MAGI2: variants seen among roughly 807,000 people sequenced by gnomAD.
The protein encoded by MAGI2 is membrane associated guanylate kinase, WW and PDZ domain containing 2, also known as membrane-associated guanylate kinase, WW and PDZ domain-containing protein 2.
MAGI2 carries 35 observed loss-of-function variants against 133.3 expected under a neutral mutation model. That is an observed-to-expected ratio of 0.26 (90% CI 0.20 to 0.35). MAGI2 has a LOEUF of 0.35. Ranked by LOEUF, MAGI2 falls within the 10% of genes least tolerant of loss-of-function variation. The probability of loss-of-function intolerance (pLI) is 1.00; values close to 1 mark genes in which losing one functional copy is unlikely to be tolerated. For missense variants in MAGI2, 1,636 were observed against 1,863.4 expected, an observed-to-expected ratio of 0.88 and a Z score of 2.25; for synonymous variants, 729 against 710.6, an observed-to-expected ratio of 1.03 and a Z score of -0.41.
Position 78,135,205 on chromosome 7 carries a change from A to T in MAGI2, c.2847T>A (p.Thr949=). The T allele has an allele frequency of 1.2e-6, 2 of 1,613,890 alleles. No individual in the cohort carries two copies. The highest frequency in any genetic ancestry group is 1.7e-5 in the Admixed American group (1 of 60,022). The change falls in exon 17 of 22, where the codon ACT becomes ACA. Residue 949 remains threonine (T), a splice_region_variant and synonymous_variant. Transcript: ENST00000354212. ...LNRPESGSTI[T]VPHKIGRIID... ...TGATGCGTCCGATTTTATGGGGCAC[A>T]GCTAAAAAAACCCCAACAGAAATAG...
At chr7:78,961,714 T>A (rs1160930195) in intron 2 of MAGI2, among the ~76,000 whole-genome samples, 1 of 152,126 alleles carries the variant, frequency 6.6e-6, no homozygotes, top group Non-Finnish European at 1.5e-5. Flanking sequence ...TGTTTAGAGC[T>A]AAGCTTTCTC....
intron 6 of MAGI2, among the ~76,000 whole-genome samples, chr7:78,465,133 G>C (rs1790485033): frequency 6.6e-6 from 1 of 152,088 alleles, no homozygotes; most frequent in Non-Finnish European, 1.5e-5. Flanking sequence ...AAAGTTTTCT[G>C]TGTCCTCAGC....
chr7:79,422,725 C>T (rs1465002902), intron 1 of MAGI2, among the ~76,000 whole-genome samples: 1 of 151,776 alleles, frequency 6.6e-6, no homozygotes, highest in Admixed American at 6.6e-5. Flanking sequence ...CAATTTTGTT[C>T]AAGGGAATAA....
intron 2 of MAGI2, among the ~76,000 whole-genome samples, chr7:78,736,711 T>A (rs1267855160): frequency 2.6e-5 from 4 of 152,120 alleles, no homozygotes; most frequent in Admixed American, 2.6e-4. Context: ...TGCTGGTACC[T>A]TATCACAAAT....
At chr7:78,466,049 C>CACTTGCTCGG (rs1790594046) in intron 6 of MAGI2, among the ~76,000 whole-genome samples, 1 of 152,162 alleles carries the variant, frequency 6.6e-6, no homozygotes, top group South Asian at 2.1e-4. Flanking sequence ...CGGCTTCAAC[C>CACTTGCTCGG]ACTTGCTCTT....
rs1234835548 is a variant in MAGI2 at position 79,324,532 on chromosome 7, TATATAACCATATATATACATATATACAC to T, written c.301+128460_301+128487del. Among the ~76,000 whole-genome samples the T allele has an allele frequency of 6.2e-4, 32 of 51,614 alleles. 12 individuals are homozygous for T. The highest frequency in any genetic ancestry group is 2.8e-3 in the African/African-American group (31 of 11,122). The allele number at this position is 51,614 out of a possible 152,430, so 33.9% of individuals were successfully genotyped here. A position where few individuals can be genotyped will look rare whatever the true frequency, so the allele number is the denominator to read the frequency against. ...TATAACCATATATATACACCATATA[TATATAACCATATATATACATATATACAC>T]ATATAACCATATATATACACCATAT... is the stretch of plus-strand genomic sequence containing the variant. On this transcript the variant is annotated intron_variant, in intron 1 of 21. Transcript: ENST00000354212.
At chr7:79,109,481 G>A (rs1818729891) in intron 1 of MAGI2, among the ~76,000 whole-genome samples, 1 of 152,182 alleles carries the variant, frequency 6.6e-6, no homozygotes, top group Non-Finnish European at 1.5e-5. Context: ...TCTGGCGGAA[G>A]AAATGTCTAA....
At chr7:79,443,291 T>C (rs867778118) in intron 1 of MAGI2, among the ~76,000 whole-genome samples, 4 of 139,054 alleles carry the variant, frequency 2.9e-5, no homozygotes, top group South Asian at 4.5e-4. Flanking sequence ...TGTGCGTGTG[T>C]GTGTGTGTGT....
At chr7:78,290,381 C>A (rs558914334) in intron 9 of MAGI2, among the ~76,000 whole-genome samples, 3 of 152,248 alleles carry the variant, frequency 2.0e-5, no homozygotes, top group Admixed American at 2.0e-4. Context: ...GGGATCAATG[C>A]AACAAGAAGA....
At chr7:78,812,897 A>G (rs57378888) in intron 2 of MAGI2, among the ~76,000 whole-genome samples, 5,356 of 152,272 alleles carry the variant, frequency 0.035, 241 homozygotes, top group African/African-American at 0.096. Flanking sequence ...TGACCATTTC[A>G]TGACTTCCAG....
chr7:79,336,277 C>G (rs192122926), intron 1 of MAGI2, among the ~76,000 whole-genome samples: 1 of 152,076 alleles, frequency 6.6e-6, no homozygotes, highest in Admixed American at 6.6e-5. Context: ...CGTCACACTA[C>G]TATTAAGAGG....
At chr7:78,344,366 T>C (rs1790686927) in intron 8 of MAGI2, among the ~76,000 whole-genome samples, 1 of 152,024 alleles carries the variant, frequency 6.6e-6, no homozygotes, top group Non-Finnish European at 1.5e-5. Flanking sequence ...AGGTAGGAGG[T>C]ATGTGTCAGT....
At chr7:78,397,932 T>C (rs1463009999) in intron 6 of MAGI2, among the ~76,000 whole-genome samples, 9 of 152,176 alleles carry the variant, frequency 5.9e-5, no homozygotes, top group African/African-American at 2.2e-4. Context: ...AGTTATTATA[T>C]TGACCTCTGG....
At chr7:78,675,924 C>G (rs1814974561) in intron 2 of MAGI2, among the ~76,000 whole-genome samples, 1 of 152,080 alleles carries the variant, frequency 6.6e-6, no homozygotes, top group South Asian at 2.1e-4. Flanking sequence ...CTTCTTTAAA[C>G]AAGAGATTAT....
chr7:79,292,267 T>G (rs1836546200), intron 1 of MAGI2, among the ~76,000 whole-genome samples: 1 of 152,166 alleles, frequency 6.6e-6, no homozygotes. Context: ...TTTCATTTAT[T>G]TACTTATTTA....
At chr7:78,100,800 A>T (rs917800374) in intron 20 of MAGI2, among the ~76,000 whole-genome samples, 3 of 152,206 alleles carry the variant, frequency 2.0e-5, no homozygotes, top group Admixed American at 2.0e-4. Context: ...TTAAATAGAA[A>T]ATACTAGAGA....
intron 10 of MAGI2, chr7:78,254,786 T>G (rs1263018633): frequency 6.6e-6 from 1 of 152,250 alleles, no homozygotes; most frequent in East Asian, 1.9e-4. Context: ...GTGCTTTGAA[T>G]AGGCAACCAC....
Position 78,070,636 on chromosome 7 carries a change from A to C in MAGI2, c.3706+8311T>G, listed in dbSNP as rs1286014754. 1.2e-3 allele frequency among the ~76,000 whole-genome samples: 124 copies of C among 104,624 alleles called. 1 individual carries two copies. The Middle Eastern group carries it at 0.014, about 12-fold the overall frequency. 68.6% of individuals were successfully genotyped at this position (104,624 alleles called of 152,430 possible). A position where few individuals can be genotyped will look rare whatever the true frequency, so the allele number is the denominator to read the frequency against. On this transcript the variant is annotated intron_variant, in intron 21 of 21. Coordinates refer to ENST00000354212, the MANE Select transcript of MAGI2 (RefSeq NM_012301.4). ...TATATATGTGTGTGTGTGTGTATAT[A>C]TATATATATTTTTTTTTTTTTTTTA...
At chr7:78,398,652 T>C (rs966387678) in intron 6 of MAGI2, among the ~76,000 whole-genome samples, 5 of 152,102 alleles carry the variant, frequency 3.3e-5, no homozygotes, top group African/African-American at 1.2e-4. Context: ...GATCCATCTT[T>C]CTGAAACGTA....
Sources: allele counts gnomAD v4.1 joint callset (sites outside exome capture counted in the v4.1 genomes callset), GRCh38; gene constraint gnomAD v4.1.1; transcripts MANE v1.5; gene names NCBI Gene and HGNC (gene_info 2026-07-23, HGNC 2026-07-21).